The following SCN2A variants were observed in gnomAD, a reference collection of about 807,000 sequenced individuals.
The protein encoded by SCN2A is sodium voltage-gated channel alpha subunit 2.
SCN2A carries 20 observed loss-of-function variants against 188.7 expected under a neutral mutation model. That is an observed-to-expected ratio of 0.11 (90% CI 0.07 to 0.15). The LOEUF (loss-of-function observed/expected upper bound fraction) is 0.15. SCN2A is among the 10% of genes least tolerant of loss of function. The pLI, the probability that SCN2A is intolerant of heterozygous loss-of-function variation, is 1.00. For missense variants in SCN2A, 1,278 were observed against 2,445.0 expected (o/e 0.52, Z 10.07); for synonymous variants, 804 against 833.1 (o/e 0.97, Z 0.60).
Position 165,282,500 on chromosome 2 carries a change from T to C in SCN2A, c.-51-13273T>C, listed in dbSNP as rs138884048. ...TAAATAGCAAATAAAAGCCATCAGA[T>C]CAGTAGACAGTTTGCATAAATAAGA... On this transcript the variant is annotated intron_variant, in intron 1 of 26. Transcript: ENST00000375437. Among the ~76,000 whole-genome samples the C allele has an allele frequency of 1.4e-4, 22 of 152,336 alleles. No homozygotes were observed. In the East Asian group the frequency reaches 4.2e-3, roughly 29 times the overall value.
chr2:165,325,225 G>A (rs1355619471), intron 12 of SCN2A, among the ~76,000 whole-genome samples: 2 of 152,192 alleles, frequency 1.3e-5, no homozygotes, highest in Non-Finnish European at 2.9e-5. Context: ...TAAATCTCCT[G>A]TCCTATCAGA....
At chr2:165,278,947 A>G (rs1695466850) in intron 1 of SCN2A, among the ~76,000 whole-genome samples, 1 of 152,088 alleles carries the variant, frequency 6.6e-6, no homozygotes, top group African/African-American at 2.4e-5. Context: ...GAACGAGAAA[A>G]GAAAAAGAAA....
At chr2:165,275,658 T>G (rs1397683310) in intron 1 of SCN2A, among the ~76,000 whole-genome samples, 1 of 152,214 alleles carries the variant, frequency 6.6e-6, no homozygotes, top group Non-Finnish European at 1.5e-5. Context: ...AGTACAGTGC[T>G]ATATGTAAGA....
chr2:165,354,814 T>A (rs1700100675), intron 17 of SCN2A, 143 bp downstream of exon 17: 7 of 804,624 alleles, frequency 8.7e-6, no homozygotes, highest in East Asian at 2.7e-5. Flanking sequence ...ATGGAAAAGT[T>A]GGTAATAAAT....
At chr2:165,353,553 T>C (rs1700036538) in intron 16 of SCN2A, among the ~76,000 whole-genome samples, 1 of 152,186 alleles carries the variant, frequency 6.6e-6, no homozygotes, top group Non-Finnish European at 1.5e-5. Flanking sequence ...AATTAGCTCA[T>C]GGTTCTGCAG....
intron 1 of SCN2A, among the ~76,000 whole-genome samples, chr2:165,246,317 C>T (rs1693843917): frequency 6.6e-6 from 1 of 152,174 alleles, no homozygotes; most frequent in Admixed American, 6.6e-5. Context: ...TCTTAACAGA[C>T]TATCCTGTAA....
intron 12 of SCN2A, among the ~76,000 whole-genome samples, chr2:165,324,711 A>G (rs1698260637): frequency 6.6e-6 from 1 of 152,222 alleles, no homozygotes; most frequent in African/African-American, 2.4e-5. Context: ...AGTTAGTAAC[A>G]TTATCCCAAT....
At chr2:165,361,982 T>C (rs1259911074) in intron 17 of SCN2A, among the ~76,000 whole-genome samples, 1 of 152,086 alleles carries the variant, frequency 6.6e-6, no homozygotes, top group East Asian at 1.9e-4. Context: ...ATATTGTGTG[T>C]ATTCTTTTGA....
intron 1 of SCN2A, among the ~76,000 whole-genome samples, chr2:165,263,208 C>T (rs1559323274): frequency 6.6e-6 from 1 of 151,902 alleles, no homozygotes; most frequent in Non-Finnish European, 1.5e-5. Context: ...TTTACTCTGC[C>T]AAGTATTTAT....
intron 3 of SCN2A, among the ~76,000 whole-genome samples, chr2:165,306,514 G>A (rs201829977): frequency 0.058 from 587 of 10,154 alleles, 7 homozygotes; most frequent in East Asian, 0.081. Flanking sequence ...TTGTGTGTGT[G>A]TGTGTGTGTG....
At chr2:165,361,864 A>C (rs2105350032) in intron 17 of SCN2A, among the ~76,000 whole-genome samples, 1 of 152,144 alleles carries the variant, frequency 6.6e-6, no homozygotes, top group African/African-American at 2.4e-5. Context: ...GGTCCGAATA[A>C]TTGGCAGACT....
At chr2:165,256,314 T>A (rs1307658319) in intron 1 of SCN2A, among the ~76,000 whole-genome samples, 1 of 152,150 alleles carries the variant, frequency 6.6e-6, no homozygotes, top group Admixed American at 6.5e-5. Context: ...CTATTTTCTT[T>A]AATGTAAATA....
chr2:165,359,407 A>T lies in SCN2A; in HGVS notation c.3399+4736A>T, dbSNP rs114026973. 9.2e-3 allele frequency among the ~76,000 whole-genome samples: 1,398 copies of T among 152,208 alleles called. 19 individuals carry two copies. The highest frequency in any genetic ancestry group is 0.03 in the African/African-American group (1,258 of 41,564). ...CATTTTGCCAATTTCCTGTTTAGAAAGATACTTGAGGCATATTATCCATCA... is the reference window on the plus strand; with the variant it reads ...CATTTTGCCAATTTCCTGTTTAGAATGATACTTGAGGCATATTATCCATCA... On this transcript the variant is annotated intron_variant, in intron 17 of 26. Transcript: ENST00000375437.
At chr2:165,299,913 A>C (rs1012828342) in intron 3 of SCN2A, among the ~76,000 whole-genome samples, 4 of 152,218 alleles carry the variant, frequency 2.6e-5, no homozygotes, top group South Asian at 2.1e-4. Flanking sequence ...CTCTATTTCA[A>C]ACAAAAACCT....
At chr2:165,288,921 A>G (rs962257948) in intron 1 of SCN2A, among the ~76,000 whole-genome samples, 1 of 152,136 alleles carries the variant, frequency 6.6e-6, no homozygotes, top group Non-Finnish European at 1.5e-5. Flanking sequence ...TTATGTTTAC[A>G]TTACTGTAAT....
intron 1 of SCN2A, 26 bp from the exon 2 acceptor site, chr2:165,295,747 C>CT: frequency 6.2e-7 from 1 of 1,607,386 alleles, no homozygotes; most frequent in South Asian, 1.1e-5. Context: ...ATGGTCATTG[C>CT]TTTTTTTCCC....
At chr2:165,382,866 AAAC>A (rs1406084188) in intron 25 of SCN2A, among the ~76,000 whole-genome samples, 1 of 152,108 alleles carries the variant, frequency 6.6e-6, no homozygotes, top group Non-Finnish European at 1.5e-5. Context: ...ATAGAGAAAA[AAAC>A]AAAATTCTCA....
chr2:165,291,528 C>CTTTTCTTTCTTTCTTTCTTTCTTT (rs1559340566), intron 1 of SCN2A, among the ~76,000 whole-genome samples: 730 of 27,254 alleles, frequency 0.027, 52 homozygotes, highest in East Asian at 0.077. Flanking sequence ...TCCTTTCTTT[C>CTTTTCTTTCTTTCTTTCTTTCTTT]CTTCCTTCCT....
chr2:165,251,567 A>G (rs1694095495), intron 1 of SCN2A, among the ~76,000 whole-genome samples: 1 of 151,888 alleles, frequency 6.6e-6, no homozygotes, highest in Non-Finnish European at 1.5e-5. Flanking sequence ...TATTCCCCAG[A>G]TCCTTCCCTG....
Sources: allele counts gnomAD v4.1 joint callset (sites outside exome capture counted in the v4.1 genomes callset), GRCh38; gene constraint gnomAD v4.1.1; transcripts MANE v1.5; gene names NCBI Gene and HGNC (gene_info 2026-07-23, HGNC 2026-07-21).